Variants in DNMT3A observed in about 807,000 individuals in gnomAD.
DNMT3A encodes DNA (cytosine-5)-methyltransferase 3A.
In DNMT3A, 267 loss-of-function variants were observed where a neutral mutation model predicts 117.6. The ratio of observed to expected loss-of-function variants is 2.27; its 90% CI spans 2.05 to 2.51. DNMT3A has a LOEUF of 2.51. Ranked by LOEUF, DNMT3A falls within the 30% of genes most tolerant of loss-of-function variation. The pLI, the probability that DNMT3A is intolerant of heterozygous loss-of-function variation, is 0.00. For missense variants in DNMT3A, 1,029 were observed against 1,260.2 expected, an observed-to-expected ratio of 0.82 and a Z score of 2.78; for synonymous variants, 432 against 474.8, an observed-to-expected ratio of 0.91 and a Z score of 1.17.
At chr2:25,307,080 T>G (rs1055196035) in intron 2 of DNMT3A, among the ~76,000 whole-genome samples, 1 of 152,228 alleles carries the variant, frequency 6.6e-6, no homozygotes, top group Non-Finnish European at 1.5e-5. Flanking sequence ...ATCATCCTGC[T>G]CTGGGCGCCC....
chr2:25,292,222 C>T (rs555564970), intron 3 of DNMT3A, among the ~76,000 whole-genome samples: 36 of 152,112 alleles, frequency 2.4e-4, no homozygotes, highest in Middle Eastern at 6.8e-3. Context: ...TGGTGGTGCA[C>T]GCCTGTAATC....
intron 1 of DNMT3A, among the ~76,000 whole-genome samples, chr2:25,328,037 T>C (rs1482028363): frequency 2.0e-5 from 3 of 152,180 alleles, no homozygotes; most frequent in Non-Finnish European, 4.4e-5. Flanking sequence ...CTCTGGCATC[T>C]CTACCTCCCA....
intron 3 of DNMT3A, among the ~76,000 whole-genome samples, chr2:25,290,080 G>A (rs1024816443): frequency 5.3e-5 from 8 of 152,100 alleles, no homozygotes; most frequent in Non-Finnish European, 1.0e-4. Context: ...CAATCTTCCC[G>A]CCTCAGTTTT....
chr2:25,313,826 TCAG>T, intron 2 of DNMT3A, 84 bp downstream of exon 2: 1 of 1,540,880 alleles, frequency 6.5e-7, no homozygotes, highest in Admixed American at 2.0e-5. Context: ...GGTCATGCAC[TCAG>T]TATGAGGAGC....
chr2:25,275,507 T>C lies in DNMT3A; in HGVS notation c.485A>G (p.Lys162Arg), dbSNP rs746638398. The C allele has an allele frequency of 6.3e-7, 1 of 1,589,260 alleles. No homozygotes were observed. The highest frequency in any genetic ancestry group is 8.5e-7 in the Non-Finnish European group (1 of 1,171,696). ...TGGGGGTGGAACACTTGCCTCCATT[T>C]TCATGGATTCGATGTTGGTCTCCTT... Reference protein sequence around the residue: ...EQKETNIESMKMEGSRGRLRG... With the variant: ...EQKETNIESMRMEGSRGRLRG... The change falls in exon 5 of 23, where the codon AAA becomes AGA. Residue 162 changes from lysine to arginine, a missense_variant. Coordinates refer to ENST00000321117, the MANE Select transcript of DNMT3A (RefSeq NM_022552.5).
Position 25,240,451 on chromosome 2 carries a change from C to A in DNMT3A, c.2174-1G>T. ...TCAAAGAAGAGCCGGCCAGTGCCCTCTGAGAGGTCGGAAGAGAAAGCCATC... is the reference window on the plus strand; with the variant it reads ...TCAAAGAAGAGCCGGCCAGTGCCCTATGAGAGGTCGGAAGAGAAAGCCATC... On this transcript the variant is annotated splice_acceptor_variant, in intron 18 of 22. Transcript: ENST00000321117. LOFTEE classifies it high-confidence loss of function. The A allele has an allele frequency of 6.2e-7, 1 of 1,603,394 alleles. No homozygotes were observed. The highest frequency in any genetic ancestry group is 8.5e-7 in the Non-Finnish European group (1 of 1,174,808).
At chr2:25,278,829 CAA>C (rs779173488) in intron 4 of DNMT3A, among the ~76,000 whole-genome samples, 5 of 129,350 alleles carry the variant, frequency 3.9e-5, no homozygotes, top group Non-Finnish European at 5.1e-5. Flanking sequence ...GACGCTGTCT[CAA>C]AAAAAAAAAA....
At chr2:25,262,993 C>T (rs1676742454) in intron 6 of DNMT3A, among the ~76,000 whole-genome samples, 1 of 152,192 alleles carries the variant, frequency 6.6e-6, no homozygotes, top group Non-Finnish European at 1.5e-5. Context: ...TAGTATCTCA[C>T]TCTGTCACCC....
chr2:25,235,632 G>T, intron 22 of DNMT3A, 75 bp downstream of exon 22: 1 of 1,187,764 alleles, frequency 8.4e-7, no homozygotes, highest in Non-Finnish European at 1.2e-6. Context: ...AGGTGGGAAA[G>T]GCAGAGGACC....
At chr2:25,301,981 T>C (rs2033544080) in intron 2 of DNMT3A, among the ~76,000 whole-genome samples, 1 of 152,222 alleles carries the variant, frequency 6.6e-6, no homozygotes, top group Admixed American at 6.5e-5. Flanking sequence ...GGAAACCTAC[T>C]GTGACCAGCT....
chr2:25,342,515 GC>G (rs1431648709), upstream of DNMT3A: 1 of 152,456 alleles, frequency 6.6e-6, no homozygotes, highest in Admixed American at 6.5e-5. The surrounding 1 kb of genome is among the most constrained non-coding windows in gnomAD (Gnocchi z 5.9). Flanking sequence ...GGTGTCAAGT[GC>G]CTCCCCCCGC....
At chr2:25,338,141 G>A (rs1051666302) in intron 1 of DNMT3A, among the ~76,000 whole-genome samples, 1 of 152,190 alleles carries the variant, frequency 6.6e-6, no homozygotes, top group African/African-American at 2.4e-5. Flanking sequence ...AGTACCCTGG[G>A]AGAGGCATGT....
rs1272176004 is a variant in DNMT3A, at chr2:25,314,020, C to G, written c.-36G>C. The G allele has an allele frequency of 2.0e-6, 3 of 1,504,576 alleles. No individual in the cohort carries two copies. The highest frequency in any genetic ancestry group is 2.7e-6 in the Non-Finnish European group (3 of 1,126,898). The allele number at this position is 1,504,576 out of a possible 1,614,324, so 93.2% of individuals were successfully genotyped here. A position where few individuals can be genotyped will look rare whatever the true frequency, so the allele number is the denominator to read the frequency against. ...GGAGGCAGGCTGGGGCTGCGCGGGG[C>G]TGGGGGGCTGCTGGGCTTTGGGGAA... On this transcript the variant is annotated 5_prime_UTR_variant, in exon 2 of 23. Coordinates refer to ENST00000321117, the MANE Select transcript of DNMT3A (RefSeq NM_022552.5).
rs544656244 is a variant in DNMT3A, at chr2:25,300,984, A to G, written c.73-741T>C. ...TTAATGAATCACCTTTATTGAAAAT[A>G]AAATCGCTGGGCATGGTGGCTCACG... On this transcript the variant is annotated intron_variant, in intron 2 of 22. Coordinates refer to ENST00000321117, the MANE Select transcript of DNMT3A (RefSeq NM_022552.5). Among the ~76,000 whole-genome samples, 362 of 151,676 alleles carry G rather than the reference A, an allele frequency of 2.4e-3. 1 individual carries two copies. The highest frequency in any genetic ancestry group is 8.4e-3 in the African/African-American group (347 of 41,366).
At chr2:25,292,189 T>TA (rs541744126) in intron 3 of DNMT3A, among the ~76,000 whole-genome samples, 27 of 145,650 alleles carry the variant, frequency 1.9e-4, no homozygotes, top group Admixed American at 2.7e-4. Context: ...CTTCGACCCT[T>TA]AAAAAAAAAA....
intron 6 of DNMT3A, among the ~76,000 whole-genome samples, chr2:25,259,054 TTC>T (rs753209714): frequency 1.7e-4 from 26 of 152,324 alleles, no homozygotes; most frequent in Admixed American, 2.0e-4. Context: ...GGCTCCCTCG[TTC>T]TCTCCCAGCC....
In DNMT3A at chr2:25,234,297, C is replaced by T. The variant is rs1399316399; in HGVS notation, c.2721G>A (p.Glu907=). 6.2e-7 allele frequency: 1 copy of T among 1,613,796 alleles called. No homozygotes were observed. Among genetic ancestry groups the T allele is most frequent in the African/African-American group, 1.3e-5 (1 of 75,050 alleles). The stretch of plus-strand genomic sequence containing the variant: ...ATGTCCCTTACACACACGCAAAATA[C>T]TCCTTCAGCGGAGCGAAGAGGTGGC... ...VIRHLFAPLK[E]YFACV is the part of the protein sequence containing the mutation. The change falls in exon 23 of 23, where the codon GAG becomes GAA. Residue 907 remains glutamate (E), a synonymous_variant. Coordinates refer to ENST00000321117, the MANE Select transcript of DNMT3A (RefSeq NM_022552.5). The surrounding 1 kb of genome is among the most constrained non-coding windows in gnomAD (Gnocchi z 4.5).
At chr2:25,267,495 A>G (rs540647378) in intron 6 of DNMT3A, among the ~76,000 whole-genome samples, 2 of 152,150 alleles carry the variant, frequency 1.3e-5, no homozygotes, top group African/African-American at 4.8e-5. Context: ...GGATCACCTG[A>G]GCCAAGAAGT....
intron 1 of DNMT3A, among the ~76,000 whole-genome samples, chr2:25,330,609 C>A (rs1444185500): frequency 6.6e-6 from 1 of 152,242 alleles, no homozygotes; most frequent in African/African-American, 2.4e-5. Flanking sequence ...GGCAGCCTAG[C>A]CCATGTCCAG....
Sources: gnomAD v4.1 joint callset for allele counts (sites outside exome capture counted in the v4.1 genomes callset) on GRCh38, gnomAD v4.1.1 for gene constraint, Gnocchi (gnomAD v3.1) non-coding constraint, MANE v1.5 for transcripts, NCBI Gene and HGNC (gene_info 2026-07-23, HGNC 2026-07-21) for gene names.